Variants in MRTFB observed in about 807,000 individuals in gnomAD.
The protein encoded by MRTFB is myocardin-related transcription factor B.
MRTFB carries 29 observed loss-of-function variants against 104.2 expected under a neutral mutation model. That is an observed-to-expected ratio of 0.28 (90% CI 0.21 to 0.38). The LOEUF (loss-of-function observed/expected upper bound fraction) is 0.38. Among genes scored for constraint, MRTFB ranks in the 10% least tolerant of loss-of-function variants. The probability of loss-of-function intolerance (pLI) is 1.00; values close to 1 mark genes in which losing one functional copy is unlikely to be tolerated. For synonymous variants in MRTFB, 535 were observed against 519.5 expected (o/e 1.03, Z -0.41); for missense variants, 1,270 against 1,341.6 (o/e 0.95, Z 0.83).
chr16:14,012,128 A>G, the MRTFB span, among the ~76,000 whole-genome samples: 1 of 152,090 alleles, frequency 6.6e-6, no homozygotes, highest in Non-Finnish European at 1.5e-5. Flanking sequence ...GGAAAAGTGA[A>G]AATCTGGAGA....
intron 2 of MRTFB, among the ~76,000 whole-genome samples, chr16:14,137,922 C>G (rs77213357): frequency 0.055 from 8,294 of 151,948 alleles, 788 homozygotes; most frequent in African/African-American, 0.19. Flanking sequence ...GTCTATTTTG[C>G]TATTTGTTTT....
intron 2 of MRTFB, among the ~76,000 whole-genome samples, chr16:14,110,631 C>T (rs2036222029): frequency 6.6e-6 from 1 of 152,176 alleles, no homozygotes; most frequent in Non-Finnish European, 1.5e-5. Context: ...CCACCCTCTC[C>T]TGGAATTTCG....
Position 14,168,217 on chromosome 16 carries a change from ATGTGTG to A in MRTFB, c.154+27479_154+27484del, listed in dbSNP as rs61205256. ...AGTGGTTTACATTTTTAAAGATAAA[ATGTGTG>A]TGTGTGTGTGTGTGTGTGTGTATGC... On this transcript the variant is annotated intron_variant, in intron 3 of 16. Transcript: ENST00000571589. Among the ~76,000 whole-genome samples the A allele has an allele frequency of 3.2e-3, 471 of 148,108 alleles. 2 individuals are homozygous for A. Among genetic ancestry groups the A allele is most frequent in the African/African-American group, 0.011 (447 of 40,426 alleles).
chr16:14,099,118 G>A (rs527513477), intron 2 of MRTFB, among the ~76,000 whole-genome samples: 1 of 152,254 alleles, frequency 6.6e-6, no homozygotes, highest in South Asian at 2.1e-4. Context: ...AAAACAGCCT[G>A]CTGGGATTTT....
chr16:14,212,186 C>T (rs1202868901), intron 4 of MRTFB, among the ~76,000 whole-genome samples, 168 bp from the exon 5 acceptor site: 6 of 152,070 alleles, frequency 3.9e-5, no homozygotes, highest in Non-Finnish European at 8.8e-5. Context: ...AATTTTTATC[C>T]TGTAACATTT....
intron 12 of MRTFB, chr16:14,248,290 A>T (rs971297571): frequency 1.3e-5 from 2 of 152,316 alleles, no homozygotes; most frequent in African/African-American, 4.8e-5. Flanking sequence ...CAAATACCTG[A>T]AACAGGCGAG....
rs1266560589 is a variant in MRTFB, at chr16:14,217,058, C to G, written c.353-68C>G. The G allele has an allele frequency of 3.5e-6, 5 of 1,443,784 alleles. No homozygotes were observed. In the East Asian group the frequency reaches 1.2e-4, roughly 34 times the overall value. The allele number at this position is 1,443,784 out of a possible 1,614,324, so 89.4% of individuals were successfully genotyped here. On this transcript the variant is annotated intron_variant, in intron 6 of 16. Coordinates refer to ENST00000571589, the MANE Select transcript of MRTFB (RefSeq NM_001308142.2). ...AATCAGTTTAAATTCAGTTTGTTGG[C>G]CTGAAATAACATTATGGAATAGAAA...
At chr16:14,086,930 C>T (rs2034738759) in intron 2 of MRTFB, among the ~76,000 whole-genome samples, 1 of 152,152 alleles carries the variant, frequency 6.6e-6, no homozygotes, top group Admixed American at 6.5e-5. Context: ...GCAACAGTTT[C>T]TTCCTATTTT....
rs1277678723 is a variant in MRTFB, at chr16:14,221,846, A to G, written c.693+2848A>G. ...ACCCAGGCTGGAGTGCAATGGTGTGATCTCAGCTTACTACAACCTCTGCCT... is the reference window on the plus strand; with the variant it reads ...ACCCAGGCTGGAGTGCAATGGTGTGGTCTCAGCTTACTACAACCTCTGCCT... On this transcript the variant is annotated intron_variant, in intron 8 of 16. Coordinates refer to ENST00000571589, the MANE Select transcript of MRTFB (RefSeq NM_001308142.2). 2.3e-5 allele frequency among the ~76,000 whole-genome samples: 3 copies of G among 129,762 alleles called. No homozygotes were observed. In the East Asian group the frequency reaches 6.8e-4, roughly 29 times the overall value. The allele number at this position is 129,762 out of a possible 152,430, so 85.1% of individuals were successfully genotyped here.
At chr16:14,178,804 C>G (rs74597606) in intron 3 of MRTFB, among the ~76,000 whole-genome samples, 4,068 of 152,032 alleles carry the variant, frequency 0.027, 67 homozygotes, top group Middle Eastern at 0.085. Context: ...GGCTAGGATA[C>G]AGTGGCCCCA....
At chr16:14,210,506 A>G (rs574175761) in intron 4 of MRTFB, among the ~76,000 whole-genome samples, 198 bp downstream of exon 4, 2 of 152,378 alleles carry the variant, frequency 1.3e-5, no homozygotes, top group Admixed American at 6.5e-5. Flanking sequence ...AGTTTAAAAG[A>G]GGAACTTGAA....
At chr16:14,189,672 A>G (rs1219711791) in intron 3 of MRTFB, among the ~76,000 whole-genome samples, 1 of 152,234 alleles carries the variant, frequency 6.6e-6, no homozygotes, top group Non-Finnish European at 1.5e-5. Context: ...AGCAACCTTT[A>G]GAATTTTTTC....
chr16:14,146,326 G>C (rs916804702), intron 3 of MRTFB, among the ~76,000 whole-genome samples: 4 of 152,190 alleles, frequency 2.6e-5, no homozygotes, highest in African/African-American at 9.6e-5. Flanking sequence ...CCTCAATAAA[G>C]AGGAATGACA....
intron 3 of MRTFB, among the ~76,000 whole-genome samples, chr16:14,208,712 A>G (rs1402854930): frequency 1.3e-5 from 2 of 152,200 alleles, no homozygotes; most frequent in Non-Finnish European, 2.9e-5. Flanking sequence ...GTGCTGTAAG[A>G]TGCACAGGTC....
intron 12 of MRTFB, chr16:14,248,563 A>G (rs1414308100): frequency 2.4e-5 from 4 of 167,030 alleles, no homozygotes; most frequent in Middle Eastern, 2.6e-3. Flanking sequence ...GCAAGCAGCA[A>G]TTGGGACAGT....
At chr16:14,135,824 A>G (rs1296473439) in intron 2 of MRTFB, among the ~76,000 whole-genome samples, 3 of 152,122 alleles carry the variant, frequency 2.0e-5, no homozygotes, top group Non-Finnish European at 2.9e-5. Context: ...TGCCCTCTAC[A>G]CTGGCCCCAT....
At chr16:14,237,124 CCT>C (rs1234861398) in intron 9 of MRTFB, among the ~76,000 whole-genome samples, 1 of 152,050 alleles carries the variant, frequency 6.6e-6, no homozygotes, top group Non-Finnish European at 1.5e-5. Flanking sequence ...TGAGTGCAGA[CCT>C]TAGGAGAGAG....
chr16:14,187,316 G>T (rs917807959), intron 3 of MRTFB, among the ~76,000 whole-genome samples: 8 of 152,096 alleles, frequency 5.3e-5, no homozygotes, highest in Non-Finnish European at 1.2e-4. Context: ...GGTTCATTTT[G>T]TATATTTTCT....
At chr16:14,254,541 A>G (rs906779535) in intron 15 of MRTFB, among the ~76,000 whole-genome samples, 2 of 152,250 alleles carry the variant, frequency 1.3e-5, no homozygotes, top group African/African-American at 4.8e-5. Flanking sequence ...GAGATCCCCA[A>G]ATTCTGTGTG....
Sources: allele counts gnomAD v4.1 joint callset (sites outside exome capture counted in the v4.1 genomes callset), GRCh38; gene constraint gnomAD v4.1.1; transcripts MANE v1.5; gene names NCBI Gene and HGNC (gene_info 2026-07-23, HGNC 2026-07-21).